GNB1: variants seen among roughly 807,000 people sequenced by gnomAD.
The protein encoded by GNB1 is guanine nucleotide-binding protein G(I)/G(S)/G(T) subunit beta-1.
In GNB1, 2 loss-of-function variants were observed where a neutral mutation model predicts 42.9. The observed-to-expected ratio is 0.05, with a 90% confidence interval of 0.02 to 0.15. The LOEUF is 0.15. Among genes scored for constraint, GNB1 ranks in the 10% least tolerant of loss-of-function variants. GNB1 has a pLI of 1.00. For synonymous variants in GNB1, 183 were observed against 174.7 expected (o/e 1.05, Z -0.38); for missense variants, 193 against 462.2 (o/e 0.42, Z 5.34).
In GNB1 at chr1:1,785,784, G is replaced by C; in HGVS notation, c.*1279C>G. The C allele has an allele frequency of 3.1e-6, 1 of 321,162 alleles. No homozygotes were observed. Among genetic ancestry groups the C allele is most frequent in the Non-Finnish European group, 5.6e-6 (1 of 178,156 alleles). 19.9% of individuals were successfully genotyped at this position (321,162 alleles called of 1,614,324 possible). The stretch of plus-strand genomic sequence containing the variant: ...CCCTCCCCACCCTCAGAATCCAACA[G>C]CAGTCGTTTGCAACAGAACTTTTTT... On this transcript the variant is annotated 3_prime_UTR_variant, in exon 12 of 12. Transcript: ENST00000378609.
intron 1 of GNB1, among the ~76,000 whole-genome samples, chr1:1,842,623 G>C (rs1045373218): frequency 6.6e-6 from 1 of 152,174 alleles, no homozygotes; most frequent in Non-Finnish European, 1.5e-5. Flanking sequence ...ATGTGTCTGC[G>C]TGTGCATGCA....
At chr1:1,817,747 G>A (rs1424175024) in intron 4 of GNB1, 90 bp downstream of exon 4, 5 of 845,112 alleles carry the variant, frequency 5.9e-6, no homozygotes, top group African/African-American at 5.0e-5. Context: ...AACAGAGAAT[G>A]CAAGCAGAGC....
At chr1:1,839,986 T>C (rs561879207) in intron 1 of GNB1, among the ~76,000 whole-genome samples, 2 of 151,608 alleles carry the variant, frequency 1.3e-5, no homozygotes, top group Non-Finnish European at 2.9e-5. Flanking sequence ...TAACTAAAAA[T>C]TAAATGTTTT....
chr1:1,873,339 C>A (rs1424832977), intron 1 of GNB1, among the ~76,000 whole-genome samples: 1 of 152,246 alleles, frequency 6.6e-6, no homozygotes, highest in Non-Finnish European at 1.5e-5. Context: ...GAAGCCTGAG[C>A]TAGACTGTTG....
chr1:1,835,152 T>C (rs1386436630), intron 2 of GNB1, among the ~76,000 whole-genome samples: 4 of 152,224 alleles, frequency 2.6e-5, no homozygotes, highest in Non-Finnish European at 4.4e-5. Flanking sequence ...ATTCTGTTCC[T>C]AGAAAAACTT....
intron 1 of GNB1, among the ~76,000 whole-genome samples, chr1:1,842,871 G>A (rs1647376179): frequency 6.6e-6 from 1 of 152,208 alleles, no homozygotes; most frequent in Non-Finnish European, 1.5e-5. Flanking sequence ...CAGACTTCAG[G>A]AAGCGAAGCC....
chr1:1,830,482 C>T (rs1377141929), intron 2 of GNB1, among the ~76,000 whole-genome samples: 1 of 151,766 alleles, frequency 6.6e-6, no homozygotes, highest in African/African-American at 2.4e-5. Context: ...ATCTCCTGAC[C>T]TCGTGATCCG....
chr1:1,813,957 C>A (rs1222347680), intron 5 of GNB1, among the ~76,000 whole-genome samples: 1 of 152,174 alleles, frequency 6.6e-6, no homozygotes, highest in Non-Finnish European at 1.5e-5. Flanking sequence ...ACACTTAAGT[C>A]TACTTTACTA....
chr1:1,834,149 G>A (rs554871174), intron 2 of GNB1, among the ~76,000 whole-genome samples: 17 of 152,098 alleles, frequency 1.1e-4, no homozygotes, highest in East Asian at 1.9e-4. Flanking sequence ...CCCATTAGAC[G>A]CTGGCAACTG....
intron 1 of GNB1, among the ~76,000 whole-genome samples, chr1:1,861,021 T>A (rs1648594026): frequency 7.0e-6 from 1 of 142,964 alleles, no homozygotes; most frequent in Non-Finnish European, 1.5e-5. Context: ...GACAAGAGAA[T>A]CCCTTGAACC....
At chr1:1,808,010 C>CT (rs568641346) in intron 5 of GNB1, among the ~76,000 whole-genome samples, 2 of 151,184 alleles carry the variant, frequency 1.3e-5, no homozygotes, top group East Asian at 1.9e-4. Context: ...CGCCCGGCCT[C>CT]TTTTTTTTGT....
intron 8 of GNB1, among the ~76,000 whole-genome samples, chr1:1,791,799 T>A (rs149789524): frequency 2.0e-4 from 31 of 151,916 alleles, no homozygotes; most frequent in Non-Finnish European, 8.8e-5. Context: ...CGTAAAAGAG[T>A]CTGAAAAAAA....
intron 2 of GNB1, among the ~76,000 whole-genome samples, chr1:1,838,521 T>C (rs1647181813): frequency 6.6e-6 from 1 of 151,670 alleles, no homozygotes; most frequent in Non-Finnish European, 1.5e-5. Flanking sequence ...CTTGGCTCAC[T>C]GCAAGCTCCG....
intron 3 of GNB1, among the ~76,000 whole-genome samples, chr1:1,822,300 C>CTT (rs33922220): frequency 3.1e-5 from 3 of 97,738 alleles, no homozygotes; most frequent in East Asian, 2.9e-4. Context: ...TCTCTTTTTA[C>CTT]TTTTTTTTTT....
chr1:1,827,877 A>C (rs1647020842), intron 2 of GNB1, among the ~76,000 whole-genome samples: 1 of 152,228 alleles, frequency 6.6e-6, no homozygotes, highest in Non-Finnish European at 1.5e-5. Flanking sequence ...AATGTTATGA[A>C]GTACCCCGAA....
At chr1:1,855,112 T>C (rs1455540003) in intron 1 of GNB1, among the ~76,000 whole-genome samples, 2 of 150,030 alleles carry the variant, frequency 1.3e-5, no homozygotes. Flanking sequence ...TGGGCCGAGA[T>C]AGCTCCACTG....
At chr1:1,792,222 G>C (rs1389548990) in intron 8 of GNB1, among the ~76,000 whole-genome samples, 1 of 152,068 alleles carries the variant, frequency 6.6e-6, no homozygotes, top group African/African-American at 2.4e-5. Flanking sequence ...AAGTCTGATG[G>C]AATCACTTGA....
intron 7 of GNB1, among the ~76,000 whole-genome samples, chr1:1,797,104 C>T (rs963445303): frequency 2.0e-5 from 3 of 152,176 alleles, no homozygotes; most frequent in Non-Finnish European, 4.4e-5. Flanking sequence ...GAAGGACACA[C>T]AAGCGTGGCC....
intron 7 of GNB1, among the ~76,000 whole-genome samples, chr1:1,804,075 C>T (rs1333963940): frequency 6.8e-6 from 1 of 147,644 alleles, no homozygotes; most frequent in Non-Finnish European, 1.5e-5. Context: ...GGGTGGATCA[C>T]GAGGTTAGGA....
Sources: allele counts gnomAD v4.1 joint callset (sites outside exome capture counted in the v4.1 genomes callset), GRCh38; gene constraint gnomAD v4.1.1; transcripts MANE v1.5; gene names NCBI Gene and HGNC (gene_info 2026-07-23, HGNC 2026-07-21).